The following WDR7 variants were observed in gnomAD, a reference collection of about 807,000 sequenced individuals.
The protein encoded by WDR7 is WD repeat domain 7, also known as WD repeat-containing protein 7.
A neutral mutation model predicts 169.4 loss-of-function variants in WDR7; 46 were observed. That is an observed-to-expected ratio of 0.27 (90% confidence interval 0.21 to 0.35). The LOEUF is 0.35. Ranked by LOEUF, WDR7 falls within the 10% of genes least tolerant of loss-of-function variation. The probability of loss-of-function intolerance (pLI) is 1.00; values close to 1 mark genes in which losing one functional copy is unlikely to be tolerated. For missense variants in WDR7, 1,534 were observed against 1,859.3 expected (o/e 0.83, Z 3.22); for synonymous variants, 612 against 666.8 (o/e 0.92, Z 1.27).
intron 26 of WDR7, among the ~76,000 whole-genome samples, chr18:57,002,625 A>T (rs1399452655): frequency 1.3e-5 from 2 of 152,216 alleles, no homozygotes; most frequent in Non-Finnish European, 2.9e-5. Context: ...ACATTTAGTG[A>T]TATAGTATTT....
At position 56,671,264 on chromosome 18, in the gene WDR7, T is replaced by G. The variant is rs917609937; in HGVS notation, c.-19-1233T>G. 2.6e-5 allele frequency among the ~76,000 whole-genome samples: 4 copies of G among 151,504 alleles called. No homozygotes were observed. In the South Asian group the frequency reaches 8.4e-4, roughly 32 times the overall value. On this transcript the variant is annotated intron_variant, in intron 1 of 27. Transcript: ENST00000254442. ...CATAACGGGTTTGGAGTAAGTGTGG[T>G]TGAATGGGTTTCACACTGAGCAAAG... is the stretch of plus-strand genomic sequence containing the variant.
the WDR7 span, chr18:57,035,351 G>A: frequency 6.6e-6 from 1 of 152,448 alleles, no homozygotes; most frequent in Middle Eastern, 3.4e-3. Context: ...ATCGATAGGA[G>A]ATTGAACAAC....
chr18:56,702,253 C>T (rs1007757417), intron 12 of WDR7, among the ~76,000 whole-genome samples: 18 of 152,148 alleles, frequency 1.2e-4, no homozygotes, highest in African/African-American at 4.3e-4. Flanking sequence ...TTTACCTTTC[C>T]CTGTTGCTTA....
intron 1 of WDR7, among the ~76,000 whole-genome samples, chr18:56,666,678 C>T (rs1358020981): frequency 1.3e-5 from 2 of 152,158 alleles, no homozygotes; most frequent in Non-Finnish European, 2.9e-5. Context: ...ATGAAGCTTT[C>T]TGATAAATGG....
At chr18:56,952,738 T>C (rs1254345224) in intron 25 of WDR7, among the ~76,000 whole-genome samples, 1 of 152,122 alleles carries the variant, frequency 6.6e-6, no homozygotes, top group African/African-American at 2.4e-5. Context: ...ATTCAGACAA[T>C]GGAATATTTT....
intron 15 of WDR7, among the ~76,000 whole-genome samples, chr18:56,757,919 C>T (rs527368519): frequency 4.0e-5 from 6 of 151,230 alleles, no homozygotes; most frequent in Non-Finnish European, 5.9e-5. Context: ...CAGTGAGCCA[C>T]GATTGTGCCA....
chr18:56,669,473 A>C (rs2025088703), intron 1 of WDR7, among the ~76,000 whole-genome samples: 1 of 152,144 alleles, frequency 6.6e-6, no homozygotes, highest in African/African-American at 2.4e-5. Context: ...TTGAATAAGC[A>C]GTCTCTAAAT....
chr18:57,031,989 A>T (rs761875773), downstream of WDR7: 7 of 152,244 alleles, frequency 4.6e-5, no homozygotes, highest in Non-Finnish European at 8.8e-5. Context: ...TGGACTCCAC[A>T]AGTAGATCTG....
intron 14 of WDR7, among the ~76,000 whole-genome samples, chr18:56,746,003 AG>A (rs1599011068): frequency 6.6e-6 from 1 of 152,286 alleles, no homozygotes; most frequent in East Asian, 1.9e-4. Flanking sequence ...AATGATTTCA[AG>A]GTTTAAACAT....
At position 56,672,660 on chromosome 18, in the gene WDR7, T is replaced by G; in HGVS notation, c.145T>G (p.Ser49Ala). Residue 49 changes from serine to alanine, a missense_variant, in exon 2 of 28, where the codon TCA (serine) becomes GCA (alanine). Ser to Ala is a moderately conservative substitution (Grantham distance 99). Coordinates refer to ENST00000254442, the MANE Select transcript of WDR7 (RefSeq NM_015285.3). ...HDGQICLWDL[S>A]VELQINPRAL... ...CGGACAAATATGTCTCTGGGATCTT[T>G]CAGTAGAACTGCAAGTGAGTATGTG... 6.2e-7 allele frequency: 1 copy of G among 1,608,658 alleles called. No individual in the cohort carries two copies. Among genetic ancestry groups the G allele is most frequent in the South Asian group, 1.1e-5 (1 of 89,938 alleles).
intron 19 of WDR7, among the ~76,000 whole-genome samples, chr18:56,785,552 G>A (rs942393594): frequency 1.3e-5 from 2 of 151,960 alleles, no homozygotes; most frequent in African/African-American, 2.4e-5. Context: ...ATCAGAAAAC[G>A]CTCTTACCTG....
chr18:56,751,020 T>A (rs2043782479), intron 14 of WDR7, among the ~76,000 whole-genome samples: 1 of 152,220 alleles, frequency 6.6e-6, no homozygotes, highest in South Asian at 2.1e-4. Context: ...TTTAGTCTCC[T>A]CCTGTTATCT....
chr18:56,852,404 C>T (rs570842620), intron 20 of WDR7, among the ~76,000 whole-genome samples: 2 of 152,216 alleles, frequency 1.3e-5, no homozygotes, highest in East Asian at 1.9e-4. Flanking sequence ...TAGTTCATTC[C>T]CAGACAGGCA....
chr18:57,012,933 A>C (rs990312761), intron 26 of WDR7, among the ~76,000 whole-genome samples: 1 of 152,214 alleles, frequency 6.6e-6, no homozygotes, highest in Non-Finnish European at 1.5e-5. Flanking sequence ...AAGATTAAAA[A>C]GTTTATGTAA....
At position 56,884,160 on chromosome 18, in the gene WDR7, T is replaced by G. The variant is rs2046153261; in HGVS notation, c.3526+3995T>G. On this transcript the variant is annotated intron_variant, in intron 21 of 27. Coordinates refer to ENST00000254442, the MANE Select transcript of WDR7 (RefSeq NM_015285.3). ...GTAAAAGCGTTCCCTTTTCATAACATCCACGACAACATCTATTATTTTTTG... is the reference window on the plus strand; with the variant it reads ...GTAAAAGCGTTCCCTTTTCATAACAGCCACGACAACATCTATTATTTTTTG... Among the ~76,000 whole-genome samples, 5 of 152,294 alleles carry G rather than the reference T, an allele frequency of 3.3e-5. No homozygotes were observed. The South Asian group carries it at 1.0e-3, about 32-fold the overall frequency.
At chr18:56,726,118 T>C (rs567377725) in intron 13 of WDR7, among the ~76,000 whole-genome samples, 1 of 152,140 alleles carries the variant, frequency 6.6e-6, no homozygotes, top group South Asian at 2.1e-4. Flanking sequence ...TTTTGGAGGA[T>C]TGACTTGGCA....
chr18:56,717,293 C>G (rs1230393375), intron 12 of WDR7, among the ~76,000 whole-genome samples: 2 of 152,098 alleles, frequency 1.3e-5, no homozygotes, highest in African/African-American at 2.4e-5. Context: ...TTATTTATAT[C>G]TTGTCTTGTT....
chr18:56,718,909 C>CT (rs1256251726), intron 13 of WDR7, among the ~76,000 whole-genome samples: 6 of 152,088 alleles, frequency 3.9e-5, no homozygotes, highest in Non-Finnish European at 7.4e-5. Context: ...TTTTTGAAAT[C>CT]AGACTATATA....
intron 21 of WDR7, among the ~76,000 whole-genome samples, chr18:56,892,704 T>C (rs1464812404): frequency 2.0e-5 from 3 of 152,092 alleles, no homozygotes; most frequent in Non-Finnish European, 2.9e-5. Context: ...AACAGAAAAC[T>C]ACCAATCCCT....
Sources: gnomAD v4.1 joint callset for allele counts (sites outside exome capture counted in the v4.1 genomes callset) on GRCh38, gnomAD v4.1.1 for gene constraint, MANE v1.5 for transcripts, NCBI Gene and HGNC (gene_info 2026-07-23, HGNC 2026-07-21) for gene names.